PTPRT: variants seen among roughly 807,000 people sequenced by gnomAD.
PTPRT encodes protein tyrosine phosphatase receptor type T.
A neutral mutation model predicts 176.8 loss-of-function variants in PTPRT; 56 were observed. The ratio of observed to expected loss-of-function variants is 0.32; its 90% confidence interval spans 0.26 to 0.40. The LOEUF (loss-of-function observed/expected upper bound fraction) is 0.40. Among genes scored for constraint, PTPRT ranks in the 10% least tolerant of loss-of-function variants. The pLI is 1.00. For missense variants in PTPRT, 1,540 were observed against 1,908.2 expected (o/e 0.81, Z 3.60); for synonymous variants, 783 against 739.0 (o/e 1.06, Z -0.96).
chr20:42,170,812 T>C (rs1241553394), intron 16 of PTPRT, among the ~76,000 whole-genome samples: 1 of 152,206 alleles, frequency 6.6e-6, no homozygotes, highest in Non-Finnish European at 1.5e-5. Flanking sequence ...TGTCCTTTCT[T>C]ATCAGGACAC....
At chr20:42,453,097 G>C (rs1010473274) in intron 8 of PTPRT, among the ~76,000 whole-genome samples, 1 of 152,072 alleles carries the variant, frequency 6.6e-6, no homozygotes, top group Non-Finnish European at 1.5e-5. Flanking sequence ...TTTGATACTT[G>C]GTAGAACAAG....
chr20:43,182,344 G>A (rs1236803502), intron 1 of PTPRT, among the ~76,000 whole-genome samples: 3 of 151,556 alleles, frequency 2.0e-5, no homozygotes, highest in Admixed American at 6.6e-5. Flanking sequence ...CACAGAAAAG[G>A]ATAAGCTCCA....
At chr20:42,883,715 C>CAT (rs2079047138) in intron 2 of PTPRT, among the ~76,000 whole-genome samples, 1 of 143,734 alleles carries the variant, frequency 7.0e-6, no homozygotes, top group African/African-American at 2.7e-5. Flanking sequence ...CCCCCATACA[C>CAT]ACACACCCAT....
intron 17 of PTPRT, among the ~76,000 whole-genome samples, chr20:42,145,058 G>A (rs1988800225): frequency 6.6e-6 from 1 of 152,116 alleles, no homozygotes. Context: ...TCTGTAATGG[G>A]CAAACTAGAA....
intron 1 of PTPRT, among the ~76,000 whole-genome samples, chr20:43,179,507 T>G (rs1489432800): frequency 2.6e-5 from 4 of 152,220 alleles, no homozygotes; most frequent in Non-Finnish European, 5.9e-5. Flanking sequence ...TTTGTGGAAC[T>G]TAGATACCAG....
At chr20:42,450,604 C>T (rs1601048175) in intron 8 of PTPRT, among the ~76,000 whole-genome samples, 1 of 151,802 alleles carries the variant, frequency 6.6e-6, no homozygotes, top group East Asian at 1.9e-4. Context: ...AGCTTTCTTG[C>T]ATAGGTTGCA....
chr20:42,402,483 TAAAAAAAA>T (rs3061921), intron 9 of PTPRT, among the ~76,000 whole-genome samples: 48 of 95,160 alleles, frequency 5.0e-4, no homozygotes, highest in Admixed American at 7.0e-4. Flanking sequence ...ATAGTGCAGT[TAAAAAAAA>T]AAAAAAAAAA....
At chr20:42,350,524 TG>T in intron 11 of PTPRT, 103 bp downstream of exon 11, 1 of 982,514 alleles carries the variant, frequency 1.0e-6, no homozygotes, top group Non-Finnish European at 1.6e-6. Context: ...GCTTTGTTCC[TG>T]GCCAGTCTTG....
intron 2 of PTPRT, among the ~76,000 whole-genome samples, chr20:42,873,848 G>A (rs933102006): frequency 6.6e-6 from 1 of 152,216 alleles, no homozygotes; most frequent in African/African-American, 2.4e-5. Context: ...ATTTTTTAGA[G>A]ACATCTCAGC....
intron 1 of PTPRT, among the ~76,000 whole-genome samples, chr20:42,945,288 A>G (rs1165668673): frequency 6.6e-6 from 1 of 152,060 alleles, no homozygotes; most frequent in Non-Finnish European, 1.5e-5. Context: ...GGTTAAATAA[A>G]TTGCCCAAAG....
chr20:42,577,571 C>T (rs951597434), intron 7 of PTPRT, among the ~76,000 whole-genome samples: 2 of 152,174 alleles, frequency 1.3e-5, no homozygotes, highest in African/African-American at 4.8e-5. Flanking sequence ...AATGAAACTG[C>T]TTCAAAGAGG....
At chr20:43,130,617 G>A (rs1295969201) in intron 1 of PTPRT, among the ~76,000 whole-genome samples, 2 of 152,028 alleles carry the variant, frequency 1.3e-5, no homozygotes, top group Admixed American at 1.3e-4. Context: ...AAAAATTGGG[G>A]TGGAGAACTG....
chr20:42,818,139 G>A (rs927423310), intron 2 of PTPRT, among the ~76,000 whole-genome samples: 3 of 152,066 alleles, frequency 2.0e-5, no homozygotes, highest in Non-Finnish European at 2.9e-5. Flanking sequence ...GGTGCCCCTC[G>A]AGGTCAGAGG....
chr20:42,778,169 G>T (rs201033150), intron 4 of PTPRT, among the ~76,000 whole-genome samples: 2 of 152,168 alleles, frequency 1.3e-5, no homozygotes, highest in Admixed American at 6.5e-5. Context: ...TGAGACTTTG[G>T]GGGGTGGAAA....
intron 9 of PTPRT, among the ~76,000 whole-genome samples, chr20:42,379,442 T>A (rs906108661): frequency 5.3e-5 from 8 of 152,198 alleles, no homozygotes; most frequent in African/African-American, 1.9e-4. Flanking sequence ...GACACCCTAA[T>A]CATCATCTCA....
intron 1 of PTPRT, among the ~76,000 whole-genome samples, chr20:43,111,546 GAAAAAAA>G (rs11424029): frequency 4.8e-4 from 40 of 83,458 alleles, no homozygotes; most frequent in South Asian, 1.8e-3. Flanking sequence ...TCCGTCTCAG[GAAAAAAA>G]AAAAAAAAAA....
At chr20:42,259,220 T>C (rs754272798) in intron 13 of PTPRT, among the ~76,000 whole-genome samples, 5 of 152,088 alleles carry the variant, frequency 3.3e-5, no homozygotes, top group Non-Finnish European at 7.4e-5. Context: ...CAAATTCTAG[T>C]TCAGTCATGT....
At chr20:42,758,231 G>A (rs1430446034) in intron 5 of PTPRT, among the ~76,000 whole-genome samples, 2 of 152,112 alleles carry the variant, frequency 1.3e-5, no homozygotes, top group Non-Finnish European at 2.9e-5. Context: ...TCCCAGTCTC[G>A]CAACGCGATC....
intron 2 of PTPRT, among the ~76,000 whole-genome samples, chr20:42,805,600 A>C (rs1248901969): frequency 6.6e-6 from 1 of 152,206 alleles, no homozygotes; most frequent in African/African-American, 2.4e-5. Flanking sequence ...GCTTTGAAAC[A>C]AGTTGAATAG....
Sources: allele counts gnomAD v4.1 joint callset (sites outside exome capture counted in the v4.1 genomes callset), GRCh38; gene constraint gnomAD v4.1.1; transcripts MANE v1.5; gene names NCBI Gene and HGNC (gene_info 2026-07-23, HGNC 2026-07-21).